The following KCNMB2 variants were observed in gnomAD, a reference collection of about 807,000 sequenced individuals.
The protein encoded by KCNMB2 is potassium calcium-activated channel subfamily M regulatory beta subunit 2.
Under a neutral mutation model 24.5 loss-of-function variants are expected in KCNMB2, and 9 were observed. The observed-to-expected ratio is 0.37, with a 90% CI of 0.22 to 0.64. The LOEUF is 0.64. Among genes scored for constraint, KCNMB2 ranks in the 30% least tolerant of loss-of-function variants. KCNMB2 has a pLI of 0.63. For synonymous variants in KCNMB2, 109 were observed against 104.4 expected (o/e 1.04, Z -0.27); for missense variants, 226 against 284.3 (o/e 0.79, Z 1.47).
chr3:178,741,446 TACAAAGATCTCTTACC>T (rs1031856151), intron 1 of KCNMB2, among the ~76,000 whole-genome samples: 1 of 152,206 alleles, frequency 6.6e-6, no homozygotes, highest in African/African-American at 2.4e-5. Flanking sequence ...ATTAGTTTTC[TACAAAGATCTCTTACC>T]TCCATCACAT....
intron 1 of KCNMB2, among the ~76,000 whole-genome samples, chr3:178,763,333 C>A (rs567973797): frequency 1.8e-4 from 28 of 152,114 alleles, no homozygotes; most frequent in Non-Finnish European, 3.2e-4. Context: ...GAAAAGATAG[C>A]TATTTTCACC....
chr3:178,724,306 T>C (rs73049705), intron 1 of KCNMB2, among the ~76,000 whole-genome samples: 36 of 152,234 alleles, frequency 2.4e-4, no homozygotes, highest in African/African-American at 7.9e-4. Context: ...GTATGTCTTC[T>C]TTTGAGAAGG....
At chr3:178,798,605 T>G (rs1713648395) in intron 1 of KCNMB2, among the ~76,000 whole-genome samples, 1 of 152,172 alleles carries the variant, frequency 6.6e-6, no homozygotes, top group Non-Finnish European at 1.5e-5. Context: ...GCCATTATCC[T>G]GAGCAAACTA....
chr3:178,752,242 A>G (rs1723876081), intron 1 of KCNMB2, among the ~76,000 whole-genome samples: 1 of 152,242 alleles, frequency 6.6e-6, no homozygotes, highest in Admixed American at 6.5e-5. Context: ...TAAACATAGA[A>G]TTGTTAGGAA....
At chr3:178,650,629 T>C (rs1188126836) in intron 1 of KCNMB2, among the ~76,000 whole-genome samples, 2 of 151,952 alleles carry the variant, frequency 1.3e-5, no homozygotes, top group African/African-American at 4.8e-5. Flanking sequence ...CAGGCCAATA[T>C]CCCTGATGAA....
chr3:178,600,388 A>T (rs1179496378), intron 1 of KCNMB2, among the ~76,000 whole-genome samples: 1 of 152,166 alleles, frequency 6.6e-6, no homozygotes. Context: ...GTGTGCAAAT[A>T]TCTCTTTAAG....
chr3:178,732,649 A>G (rs1268037600), intron 1 of KCNMB2, among the ~76,000 whole-genome samples: 1 of 152,240 alleles, frequency 6.6e-6, no homozygotes, highest in African/African-American at 2.4e-5. Context: ...GTTTCATTCA[A>G]GCATGAGTTA....
In KCNMB2 at chr3:178,592,009, T is replaced by A. The variant is rs931813483; in HGVS notation, c.-68+55298T>A. Among the ~76,000 whole-genome samples, 21 of 152,306 alleles carry A rather than the reference T, an allele frequency of 1.4e-4. 1 individual carries two copies. Among genetic ancestry groups the A allele is most frequent in the African/African-American group, 3.8e-4 (16 of 41,582 alleles). On this transcript the variant is annotated intron_variant, in intron 1 of 4. Coordinates refer to ENST00000452583, the MANE Select transcript of KCNMB2 (RefSeq NM_181361.3). ...TTACTGAATAAGATGATTCCTAGTG[T>A]CGGTTTTAGCCCAATGTGAATTTTT...
At chr3:178,647,288 G>A (rs1429617580) in intron 1 of KCNMB2, among the ~76,000 whole-genome samples, 1 of 152,098 alleles carries the variant, frequency 6.6e-6, no homozygotes, top group Admixed American at 6.6e-5. Context: ...ATTCCTATTA[G>A]ACAGATGAAG....
chr3:178,746,836 C>A (rs2108383768), intron 1 of KCNMB2: 1 of 152,978 alleles, frequency 6.5e-6, no homozygotes, highest in Non-Finnish European at 1.5e-5. Context: ...ACAAGTTCCT[C>A]ATCTCCATCT....
chr3:178,719,926 C>T (rs1384212228), intron 1 of KCNMB2, among the ~76,000 whole-genome samples: 1 of 152,074 alleles, frequency 6.6e-6, no homozygotes, highest in Admixed American at 6.6e-5. Flanking sequence ...TAAAGTTTTC[C>T]CTTGTCCAGA....
intron 4 of KCNMB2, among the ~76,000 whole-genome samples, chr3:178,829,362 C>A (rs1714969874): frequency 1.3e-5 from 2 of 152,108 alleles, no homozygotes; most frequent in Admixed American, 6.5e-5. Context: ...GCAGTAGATT[C>A]AAGGTTCAAT....
At chr3:178,680,894 G>GCC (rs977610272) in intron 1 of KCNMB2, among the ~76,000 whole-genome samples, 7 of 152,142 alleles carry the variant, frequency 4.6e-5, no homozygotes, top group Admixed American at 1.3e-4. Context: ...GAAGATAAGT[G>GCC]CCTGAAGGAC....
intron 1 of KCNMB2, among the ~76,000 whole-genome samples, chr3:178,723,827 T>C (rs1722882657): frequency 6.6e-6 from 1 of 152,210 alleles, no homozygotes; most frequent in Admixed American, 6.5e-5. Flanking sequence ...ATTTCATTCT[T>C]TTCATGGTTG....
At chr3:178,816,233 G>C (rs1714400443) in intron 2 of KCNMB2, among the ~76,000 whole-genome samples, 1 of 151,770 alleles carries the variant, frequency 6.6e-6, no homozygotes, top group African/African-American at 2.4e-5. Flanking sequence ...TTTTGGAAAA[G>C]TTTGCTGTAT....
intron 1 of KCNMB2, among the ~76,000 whole-genome samples, chr3:178,759,812 CTATATA>C (rs753256839): frequency 1.8e-4 from 1 of 5,556 alleles, no homozygotes; most frequent in East Asian, 6.3e-3. Context: ...GAGGATATAT[CTATATA>C]TATATATATC....
At chr3:178,755,884 A>G (rs887319895) in intron 1 of KCNMB2, among the ~76,000 whole-genome samples, 1 of 152,236 alleles carries the variant, frequency 6.6e-6, no homozygotes, top group African/African-American at 2.4e-5. Flanking sequence ...GCAGAAATAC[A>G]GAAAGAAATT....
At chr3:178,642,885 T>C (rs1470486556) in intron 1 of KCNMB2, among the ~76,000 whole-genome samples, 9 of 152,196 alleles carry the variant, frequency 5.9e-5, no homozygotes, top group Admixed American at 5.9e-4. Context: ...AATCAGAAGG[T>C]CAAAACAATT....
At chr3:178,758,115 G>GAT (rs1274043324) in intron 1 of KCNMB2, among the ~76,000 whole-genome samples, 1 of 52,258 alleles carries the variant, frequency 1.9e-5, no homozygotes, top group Admixed American at 2.5e-4. Flanking sequence ...CACACAAGAG[G>GAT]ATATATATAT....
Sources: allele counts gnomAD v4.1 joint callset (sites outside exome capture counted in the v4.1 genomes callset), GRCh38; gene constraint gnomAD v4.1.1; transcripts MANE v1.5; gene names NCBI Gene and HGNC (gene_info 2026-07-23, HGNC 2026-07-21).